BPNT2: variants seen among roughly 807,000 people sequenced by gnomAD.
The protein encoded by BPNT2 is 3'(2'), 5'-bisphosphate nucleotidase 2.
In BPNT2, 11 loss-of-function variants were observed where a neutral mutation model predicts 29.3. The ratio of observed to expected loss-of-function variants is 0.38; its 90% confidence interval spans 0.24 to 0.62. BPNT2 has a LOEUF of 0.62. BPNT2 is among the 20% of genes least tolerant of loss of function. The probability of loss-of-function intolerance (pLI) is 0.62; values close to 1 mark genes in which losing one functional copy is unlikely to be tolerated. For synonymous variants in BPNT2, 195 were observed against 187.7 expected, an observed-to-expected ratio of 1.04 and a Z score of -0.32; for missense variants, 459 against 473.4, an observed-to-expected ratio of 0.97 and a Z score of 0.28.
intron 1 of BPNT2, among the ~76,000 whole-genome samples, chr8:56,982,705 G>C (rs1441800560): frequency 6.6e-6 from 1 of 152,062 alleles, no homozygotes; most frequent in Non-Finnish European, 1.5e-5. Flanking sequence ...TTGTTGGAGA[G>C]TAGAGAAAGG....
intron 1 of BPNT2, among the ~76,000 whole-genome samples, chr8:56,982,642 TG>T (rs35652415): frequency 0.069 from 10,494 of 152,036 alleles, 564 homozygotes; most frequent in East Asian, 0.27. Flanking sequence ...ACATGTAGTA[TG>T]CTGGATAGTG....
chr8:56,971,999 G>A (rs1054144989), intron 3 of BPNT2, among the ~76,000 whole-genome samples: 4 of 151,338 alleles, frequency 2.6e-5, no homozygotes, highest in Admixed American at 1.3e-4. Flanking sequence ...GGAGGCTGAG[G>A]CAGGAGAATG....
chr8:56,974,524 A>G (rs951665882), intron 3 of BPNT2, among the ~76,000 whole-genome samples: 1 of 152,200 alleles, frequency 6.6e-6, no homozygotes, highest in African/African-American at 2.4e-5. Flanking sequence ...AACAACTGGT[A>G]TTCCTCCAAC....
At chr8:56,988,980 G>A (rs1335909297) in intron 1 of BPNT2, among the ~76,000 whole-genome samples, 1 of 152,010 alleles carries the variant, frequency 6.6e-6, no homozygotes, top group Non-Finnish European at 1.5e-5. Flanking sequence ...ACCTGAAAAA[G>A]GGCCTCCTAA....
intron 3 of BPNT2, among the ~76,000 whole-genome samples, chr8:56,968,431 G>T (rs1247022427): frequency 1.3e-5 from 2 of 150,480 alleles, no homozygotes; most frequent in African/African-American, 4.9e-5. Flanking sequence ...ACATATATAA[G>T]GAGTCCCTGA....
chr8:56,991,270 A>G (rs1399061913), intron 1 of BPNT2, among the ~76,000 whole-genome samples: 1 of 152,252 alleles, frequency 6.6e-6, no homozygotes, highest in Non-Finnish European at 1.5e-5. Context: ...ACAGAAGCAC[A>G]TGCAAACATT....
rs948467438 is a variant in BPNT2 at position 56,966,176 on chromosome 8, G to C, written c.808+15C>G. ...AGGAACATTCTCCAGGGACCACACAGGAAGAGGAACATACCAGCACCACCA... is the reference window on the plus strand; with the variant it reads ...AGGAACATTCTCCAGGGACCACACACGAAGAGGAACATACCAGCACCACCA... On this transcript the variant is annotated intron_variant, in intron 4 of 4. Coordinates refer to ENST00000262644, the MANE Select transcript of BPNT2 (RefSeq NM_017813.5). 4 of 1,613,806 alleles carry C rather than the reference G, an allele frequency of 2.5e-6. No individual in the cohort carries two copies. Among genetic ancestry groups the C allele is most frequent in the Non-Finnish European group, 3.4e-6 (4 of 1,179,726 alleles).
At chr8:56,972,484 C>T (rs989953447) in intron 3 of BPNT2, among the ~76,000 whole-genome samples, 1 of 151,776 alleles carries the variant, frequency 6.6e-6, no homozygotes, top group Non-Finnish European at 1.5e-5. Flanking sequence ...TACACACCAA[C>T]AGGTGCAAAA....
chr8:56,987,309 G>A (rs910659538), intron 1 of BPNT2, among the ~76,000 whole-genome samples: 1 of 152,104 alleles, frequency 6.6e-6, no homozygotes, highest in African/African-American at 2.4e-5. Flanking sequence ...ATTATTTCTG[G>A]TTGTATTTGT....
chr8:56,993,194 C>T lies in BPNT2; in HGVS notation c.387+5G>A, dbSNP rs766001543. ...CGAGTGGGCGCTCCGCCCGTGGGCT[C>T]CCACCTGGACGCTGGGGAAGGCGGT... On this transcript the variant is annotated splice_donor_5th_base_variant and intron_variant, in intron 1 of 4. Transcript: ENST00000262644. 1 of 1,596,186 alleles carries T rather than the reference C, an allele frequency of 6.3e-7. No individual in the cohort carries two copies. Among genetic ancestry groups the T allele is most frequent in the South Asian group, 1.1e-5 (1 of 90,242 alleles).
chr8:56,992,200 T>C (rs1261797785), intron 1 of BPNT2, among the ~76,000 whole-genome samples: 1 of 152,180 alleles, frequency 6.6e-6, no homozygotes, highest in Non-Finnish European at 1.5e-5. Context: ...AAAAGGTCAG[T>C]CACCTTCCAA....
At chr8:56,985,690 TCTATGTATAGCAAGTA>T (rs1161224518) in intron 1 of BPNT2, among the ~76,000 whole-genome samples, 1 of 152,224 alleles carries the variant, frequency 6.6e-6, no homozygotes, top group Non-Finnish European at 1.5e-5. Flanking sequence ...TTTGTTAGCC[TCTATGTATAGCAAGTA>T]GGGATTTCTT....
chr8:56,970,014 T>C (rs991957272), intron 3 of BPNT2, among the ~76,000 whole-genome samples: 9 of 152,180 alleles, frequency 5.9e-5, no homozygotes, highest in African/African-American at 2.2e-4. Flanking sequence ...GAGAAAATTC[T>C]CTATAGAAGA....
intron 1 of BPNT2, among the ~76,000 whole-genome samples, chr8:56,992,818 T>G (rs1230535268): frequency 1.3e-5 from 2 of 151,982 alleles, no homozygotes; most frequent in Non-Finnish European, 2.9e-5. Flanking sequence ...TACTCCAGTT[T>G]CGACCCTTCT....
In BPNT2 at chr8:56,993,184, C is replaced by T; in HGVS notation, c.387+15G>A. ...CTACCCGGCTCGAGTGGGCGCTCCG[C>T]CCGTGGGCTCCCACCTGGACGCTGG... On this transcript the variant is annotated intron_variant, in intron 1 of 4. Transcript: ENST00000262644. 4 of 1,591,466 alleles carry T rather than the reference C, an allele frequency of 2.5e-6. No homozygotes were observed. The highest frequency in any genetic ancestry group is 3.4e-6 in the Non-Finnish European group (4 of 1,175,934).
chr8:56,980,616 A>T (rs1806222736), intron 1 of BPNT2, among the ~76,000 whole-genome samples: 1 of 151,940 alleles, frequency 6.6e-6, no homozygotes, highest in South Asian at 2.1e-4. Context: ...AGGGAGGTAC[A>T]GTCAAATTTT....
intron 1 of BPNT2, among the ~76,000 whole-genome samples, chr8:56,989,349 G>C (rs1030079038): frequency 1.3e-5 from 2 of 150,094 alleles, no homozygotes; most frequent in African/African-American, 2.5e-5. Flanking sequence ...TCCAGCCTGG[G>C]CGACAGAGCG....
intron 3 of BPNT2, among the ~76,000 whole-genome samples, chr8:56,970,094 A>C (rs1806006872): frequency 6.6e-6 from 1 of 152,230 alleles, no homozygotes; most frequent in South Asian, 2.1e-4. Context: ...AATAGAGCTT[A>C]AAACTATTAT....
chr8:56,983,241 T>C (rs191098743), intron 1 of BPNT2, among the ~76,000 whole-genome samples: 1 of 152,074 alleles, frequency 6.6e-6, no homozygotes, highest in Non-Finnish European at 1.5e-5. Flanking sequence ...TATGCTGCAA[T>C]GAAGTTGTTT....
Sources: gnomAD v4.1 joint callset for allele counts (sites outside exome capture counted in the v4.1 genomes callset) on GRCh38, gnomAD v4.1.1 for gene constraint, MANE v1.5 for transcripts, NCBI Gene and HGNC (gene_info 2026-07-23, HGNC 2026-07-21) for gene names.